The following COMMD5 variants were observed in gnomAD, a reference collection of about 807,000 sequenced individuals.
COMMD5 encodes COMM domain-containing protein 5.
In COMMD5, 10 loss-of-function variants were observed where a neutral mutation model predicts 6.9. The observed-to-expected ratio is 1.44, with a 90% CI of 0.89 to 2.45. COMMD5 has a LOEUF of 2.45. Ranked by LOEUF, COMMD5 falls within the 30% of genes most tolerant of loss-of-function variation. The pLI, the probability that COMMD5 is intolerant of heterozygous loss-of-function variation, is 0.00. For missense variants in COMMD5, 234 were observed against 287.8 expected, an observed-to-expected ratio of 0.81 and a Z score of 1.35; for synonymous variants, 127 against 125.3, an observed-to-expected ratio of 1.01 and a Z score of -0.09.
In COMMD5 at chr8:144,850,521, A is replaced by T. The variant is rs1211435599; in HGVS notation, c.*143T>A. ...GCTCTCTTTTTCAATTAAACAGAAA[A>T]CTACATAATTACGTTCAAACACTCA... On this transcript the variant is annotated 3_prime_UTR_variant, in exon 2 of 2. Transcript: ENST00000305103. The surrounding 1 kb of genome is among the most constrained non-coding windows in gnomAD (Gnocchi z 4.0). 1.1e-6 allele frequency: 1 copy of T among 880,434 alleles called. No homozygotes were observed. The highest frequency in any genetic ancestry group is 1.7e-6 in the Non-Finnish European group (1 of 590,762). 54.5% of individuals were successfully genotyped at this position (880,434 alleles called of 1,614,324 possible).
chr8:144,851,016 G>A lies in COMMD5; in HGVS notation c.323C>T (p.Thr108Ile). 6.2e-7 allele frequency: 1 copy of A among 1,612,680 alleles called. No individual in the cohort carries two copies. The highest frequency in any genetic ancestry group is 1.1e-5 in the South Asian group (1 of 91,028). The change falls in exon 2 of 2, where the codon ACC becomes ATC. Residue 108 changes from threonine (T) to isoleucine (I), a missense_variant. Physicochemically the swap from Thr to Ile is moderately conservative, Grantham distance 89 (BLOSUM62 -1). Transcript: ENST00000305103. ...RLPPTSLKPD[T>I]FRDQLQELCI... ...GAGCTCCTGGAGCTGGTCCCTGAAG[G>A]TGTCAGGCTTCAGGCTGGTGGGGGG...
chr8:144,851,752 A>G (rs890653241), intron 1 of COMMD5, among the ~76,000 whole-genome samples: 3 of 152,160 alleles, frequency 2.0e-5, no homozygotes, highest in Non-Finnish European at 4.4e-5. Context: ...AGCTGGCGCC[A>G]CAGACCACAC....
At chr8:144,841,290 T>A in exon 2 of COMMD5, 1 of 1,501,018 alleles carries the variant, frequency 6.7e-7, no homozygotes, top group Non-Finnish European at 8.9e-7. Flanking sequence ...GGCCCCCGCA[T>A]TTGTAGTCTT....
upstream of COMMD5, chr8:144,853,428 C>G (rs7017042): frequency 0.094 from 14,355 of 152,186 alleles, 1,438 homozygotes; most frequent in African/African-American, 0.25. Flanking sequence ...GCGGGGAAAC[C>G]GCGAGACCTT....
chr8:144,853,489 G>C (rs1320269157), upstream of COMMD5: 1 of 152,210 alleles, frequency 6.6e-6, no homozygotes, highest in Non-Finnish European at 1.5e-5. Context: ...CCGTGTGGAC[G>C]GTCTGCGCCT....
chr8:144,839,618 G>A (rs1829588458), downstream of COMMD5, among the ~76,000 whole-genome samples: 1 of 152,248 alleles, frequency 6.6e-6, no homozygotes, highest in Non-Finnish European at 1.5e-5. Context: ...GTAGGTGAGA[G>A]CTGCTGTTGA....
At chr8:144,840,647 G>A (rs4014646), downstream of COMMD5, among the ~76,000 whole-genome samples, 7,700 of 152,234 alleles carry the variant, frequency 0.051, 645 homozygotes, top group African/African-American at 0.18. Context: ...CAGAAGGAAC[G>A]CAGATGTCTG....
In COMMD5 at chr8:144,851,048, G is replaced by A; in HGVS notation, c.291C>T (p.Leu97=). The A allele has an allele frequency of 1.2e-6, 2 of 1,612,534 alleles. No homozygotes were observed. The highest frequency in any genetic ancestry group is 1.7e-6 in the Non-Finnish European group (2 of 1,179,822). The change falls in exon 2 of 2, where the codon CTC becomes CTT. Residue 97 remains leucine (L), a synonymous_variant. Transcript: ENST00000305103. ...GCTTCAGGCTGGTGGGGGGCAGACG[G>A]AGGGCCTGCTGGAGCAGTGTGTGCA... The part of the protein sequence containing the change: ...AGMHTLLQQA[L]RLPPTSLKPD...
chr8:144,843,866 T>C (rs1371994607), intron 1 of COMMD5: 1 of 152,194 alleles, frequency 6.6e-6, no homozygotes, highest in Non-Finnish European at 1.5e-5. Context: ...CATTAGCTCA[T>C]GTTGGAGGAG....
At chr8:144,839,662 CG>C (rs1829598789), downstream of COMMD5, among the ~76,000 whole-genome samples, 1 of 152,212 alleles carries the variant, frequency 6.6e-6, no homozygotes, top group South Asian at 2.1e-4. Flanking sequence ...CCTGAGAGTC[CG>C]GGGCAGGGAT....
At chr8:144,840,767 C>T (rs1319419608), downstream of COMMD5, among the ~76,000 whole-genome samples, 1 of 152,106 alleles carries the variant, frequency 6.6e-6, no homozygotes, top group East Asian at 1.9e-4. Context: ...TGGCCAGGTG[C>T]AAGTTGGCAG....
At chr8:144,843,027 G>A in intron 1 of COMMD5, 1 of 1,614,198 alleles carries the variant, frequency 6.2e-7, no homozygotes, top group Non-Finnish European at 8.5e-7. Flanking sequence ...AAGACTGTGA[G>A]AAGATATTTA....
chr8:144,850,633 C>G lies in COMMD5; in HGVS notation c.*31G>C, dbSNP rs749992308. On this transcript the variant is annotated 3_prime_UTR_variant, in exon 2 of 2. Transcript: ENST00000305103. This position sits in a 1 kb window ranked among gnomAD's most constrained non-coding sequence, Gnocchi z 4.0. The stretch of plus-strand genomic sequence containing the variant: ...CACCATCTCAGGTGCCTGTCCAAGC[C>G]GGATCTGAATGGGACTGGTCAAGTG... The G allele has an allele frequency of 3.8e-6, 6 of 1,591,504 alleles. No individual in the cohort carries two copies. In the Admixed American group the frequency reaches 8.4e-5, roughly 22 times the overall value.
At chr8:144,842,891 ATCTT>A (rs775793782) in intron 1 of COMMD5, 1 of 1,614,234 alleles carries the variant, frequency 6.2e-7, no homozygotes, top group Non-Finnish European at 8.5e-7. Flanking sequence ...CGGAGCTCAT[ATCTT>A]ATTGAACACC....
At chr8:144,845,845 C>T (rs531042752), downstream of COMMD5, 17 of 812,856 alleles carry the variant, frequency 2.1e-5, no homozygotes, top group South Asian at 1.6e-4. Context: ...CTTCTGTGCA[C>T]GTGGAGTATG....
rs763885675 is a variant in COMMD5, at chr8:144,850,969, C to T, written c.370G>A (p.Gly124Arg). The change falls in exon 2 of 2, where the codon GGG becomes AGG. Residue 124 changes from glycine (G) to arginine (R), a missense_variant. By Grantham distance (125) the Gly-to-Arg change is moderately radical (BLOSUM62 -2). Coordinates refer to ENST00000305103, the MANE Select transcript of COMMD5 (RefSeq NM_014066.4). The surrounding 1 kb of genome is among the most constrained non-coding windows in gnomAD (Gnocchi z 4.0). The part of the protein sequence containing the change: ...QELCIPQDLV[G>R]DLASVVFGSQ... ...CCAAATACCACGCTGGCCAAGTCCCCGACCAGGTCTTGGGGGATGCAGAGC... is the reference window on the plus strand; with the variant it reads ...CCAAATACCACGCTGGCCAAGTCCCTGACCAGGTCTTGGGGGATGCAGAGC... 9 of 1,610,868 alleles carry T rather than the reference C, an allele frequency of 5.6e-6. No homozygotes were observed. The highest frequency in any genetic ancestry group is 2.2e-5 in the East Asian group (1 of 44,800).
Position 144,851,030 on chromosome 8 carries a change from G to C in COMMD5, c.309C>G (p.Ser103Arg). ...LQQALRLPPT[S>R]LKPDTFRDQL... ...GGTCCCTGAAGGTGTCAGGCTTCAG[G>C]CTGGTGGGGGGCAGACGGAGGGCCT... Residue 103 changes from serine (S) to arginine (R), a missense_variant, in exon 2 of 2, where the codon AGC (serine) becomes AGG (arginine). Transcript: ENST00000305103. The C allele has an allele frequency of 6.2e-7, 1 of 1,612,636 alleles. No homozygotes were observed. The highest frequency in any genetic ancestry group is 2.2e-5 in the East Asian group (1 of 44,886).
At chr8:144,842,547 G>A (rs142485502) in intron 1 of COMMD5, 10 of 1,614,132 alleles carry the variant, frequency 6.2e-6, no homozygotes, top group Non-Finnish European at 8.5e-6. Flanking sequence ...GCTTTGTTCA[G>A]GGCTCACACC....
intron 1 of COMMD5, chr8:144,843,233 T>C (rs1254369652): frequency 1.4e-6 from 2 of 1,480,836 alleles, no homozygotes; most frequent in Non-Finnish European, 1.8e-6. Context: ...TTATTTTATA[T>C]GGAATCGTTT....
Sources: gnomAD v4.1 joint callset for allele counts (sites outside exome capture counted in the v4.1 genomes callset) on GRCh38, gnomAD v4.1.1 for gene constraint, Gnocchi (gnomAD v3.1) non-coding constraint, MANE v1.5 for transcripts, NCBI Gene and HGNC (gene_info 2026-07-23, HGNC 2026-07-21) for gene names.